LRCH1: variants seen among roughly 807,000 people sequenced by gnomAD.
LRCH1 encodes leucine-rich repeat and calponin homology domain-containing protein 1.
A neutral mutation model predicts 94.9 loss-of-function variants in LRCH1; 23 were observed. The observed-to-expected ratio is 0.24, with a 90% CI of 0.17 to 0.34. The LOEUF (loss-of-function observed/expected upper bound fraction) is 0.34. Ranked by LOEUF, LRCH1 falls within the 10% of genes least tolerant of loss-of-function variation. The pLI is 1.00. For synonymous variants in LRCH1, 364 were observed against 354.9 expected (o/e 1.03, Z -0.29); for missense variants, 790 against 945.9 (o/e 0.84, Z 2.16).
chr13:46,564,787 G>T (rs1374570696), intron 1 of LRCH1, among the ~76,000 whole-genome samples: 1 of 152,348 alleles, frequency 6.6e-6, no homozygotes, highest in East Asian at 1.9e-4. Context: ...TGTTAGAAGC[G>T]AAAATGCTCT....
chr13:46,582,671 T>TTTTTTTTTTTTTC (rs2050385829), intron 1 of LRCH1, among the ~76,000 whole-genome samples: 1 of 126,088 alleles, frequency 7.9e-6, no homozygotes, highest in Non-Finnish European at 1.6e-5. Context: ...TTTTTTTTTT[T>TTTTTTTTTTTTTC]TGTATTTTTA....
At chr13:46,588,389 A>G (rs2050457552) in intron 1 of LRCH1, among the ~76,000 whole-genome samples, 1 of 151,806 alleles carries the variant, frequency 6.6e-6, no homozygotes, top group Non-Finnish European at 1.5e-5. Flanking sequence ...TTGCTTGTTT[A>G]CTCCTTTAAA....
intron 1 of LRCH1, among the ~76,000 whole-genome samples, chr13:46,555,277 C>G (rs2050051836): frequency 6.6e-6 from 1 of 152,202 alleles, no homozygotes; most frequent in South Asian, 2.1e-4. Context: ...TTCCCTTCTG[C>G]TATAGAGTGT....
chr13:46,726,354 T>C (rs1010824280), intron 17 of LRCH1, among the ~76,000 whole-genome samples: 15 of 152,186 alleles, frequency 9.9e-5, no homozygotes, highest in African/African-American at 3.6e-4. Flanking sequence ...GGGGACTTTC[T>C]TTTTGCCTCA....
intron 2 of LRCH1, among the ~76,000 whole-genome samples, chr13:46,666,175 C>G (rs1277494530): frequency 1.3e-5 from 2 of 152,130 alleles, no homozygotes; most frequent in Non-Finnish European, 2.9e-5. Context: ...ACAGTGTAAA[C>G]AAGACATATA....
chr13:46,643,238 T>C (rs921077882), intron 1 of LRCH1, among the ~76,000 whole-genome samples: 2 of 152,210 alleles, frequency 1.3e-5, no homozygotes, highest in Non-Finnish European at 1.5e-5. Context: ...TCTTATTCTT[T>C]CTGTCTTTCC....
intron 1 of LRCH1, among the ~76,000 whole-genome samples, chr13:46,580,572 A>G (rs1205201167): frequency 1.3e-5 from 2 of 152,200 alleles, no homozygotes; most frequent in Non-Finnish European, 2.9e-5. Flanking sequence ...ACAAATCTCT[A>G]AGACTCGTAA....
intron 11 of LRCH1, among the ~76,000 whole-genome samples, chr13:46,703,434 G>A (rs1315302135): frequency 1.3e-5 from 2 of 152,112 alleles, no homozygotes; most frequent in African/African-American, 2.4e-5. Flanking sequence ...ATAAACTGCC[G>A]GTGGAGAAGT....
chr13:46,600,618 T>TACAC (rs3068695), intron 1 of LRCH1, among the ~76,000 whole-genome samples: 9,160 of 143,158 alleles, frequency 0.064, 636 homozygotes, highest in African/African-American at 0.17. Context: ...TGACCAGATT[T>TACAC]ACACACACAC....
rs1190330327 is a variant in LRCH1 at position 46,691,542 on chromosome 13, C to T, written c.1015-994C>T. On this transcript the variant is annotated intron_variant, in intron 7 of 19. Transcript: ENST00000389797. ...AAAGAGGTTTAGTTGGCTTACAGTTCTGCAGGCTGTACACAAAGCATGTGA... is the reference window on the plus strand; with the variant it reads ...AAAGAGGTTTAGTTGGCTTACAGTTTTGCAGGCTGTACACAAAGCATGTGA... Among the ~76,000 whole-genome samples the T allele has an allele frequency of 2.0e-5, 3 of 152,222 alleles. 1 individual carries two copies. The South Asian group carries it at 6.2e-4, about 32-fold the overall frequency.
chr13:46,660,257 A>C (rs2051430517), intron 2 of LRCH1, among the ~76,000 whole-genome samples: 2 of 151,352 alleles, frequency 1.3e-5, no homozygotes. Context: ...TTCGTGATCC[A>C]CCCACCTCGG....
intron 1 of LRCH1, among the ~76,000 whole-genome samples, chr13:46,598,409 G>T (rs2050588985): frequency 6.6e-6 from 1 of 151,674 alleles, no homozygotes. Context: ...GGGAAAAGAC[G>T]CTTGCAGATT....
chr13:46,746,677 C>T (rs1318379691), downstream of LRCH1, among the ~76,000 whole-genome samples: 1 of 152,170 alleles, frequency 6.6e-6, no homozygotes, highest in Admixed American at 6.5e-5. Context: ...CCATTATGAA[C>T]AAGGGGCCTG....
chr13:46,684,246 C>CTTTTTTTTTT (rs10641089), intron 4 of LRCH1, among the ~76,000 whole-genome samples: 1 of 149,388 alleles, frequency 6.7e-6, no homozygotes. Flanking sequence ...CTCTACTCCA[C>CTTTTTTTTTT]TTTTTTTTTT....
At chr13:46,567,931 C>G (rs1382823352) in intron 1 of LRCH1, among the ~76,000 whole-genome samples, 1 of 152,178 alleles carries the variant, frequency 6.6e-6, no homozygotes, top group African/African-American at 2.4e-5. Flanking sequence ...GACAGTATAA[C>G]TCAGCTAAGT....
At chr13:46,611,638 G>A (rs1020581007) in intron 1 of LRCH1, among the ~76,000 whole-genome samples, 1 of 152,130 alleles carries the variant, frequency 6.6e-6, no homozygotes, top group Admixed American at 6.6e-5. Context: ...TAATGTCCAA[G>A]TTGAGATATG....
chr13:46,685,864 A>G (rs1222726714), intron 4 of LRCH1, 41 bp from the exon 5 acceptor site: 2 of 1,377,940 alleles, frequency 1.5e-6, no homozygotes, highest in Non-Finnish European at 1.9e-6. Flanking sequence ...ATTGATTTCT[A>G]AGGTTTTTTC....
chr13:46,721,900 G>C (rs1872597827), intron 16 of LRCH1, among the ~76,000 whole-genome samples: 1 of 152,184 alleles, frequency 6.6e-6, no homozygotes, highest in African/African-American at 2.4e-5. Flanking sequence ...AACTAATTTA[G>C]AAAGAAAATA....
At chr13:46,740,910 C>T (rs1316890846) in intron 19 of LRCH1, among the ~76,000 whole-genome samples, 1 of 152,066 alleles carries the variant, frequency 6.6e-6, no homozygotes, top group Non-Finnish European at 1.5e-5. Context: ...GAGGTCTACC[C>T]CCCCTGCCCC....
Sources: gnomAD v4.1 joint callset for allele counts (sites outside exome capture counted in the v4.1 genomes callset) on GRCh38, gnomAD v4.1.1 for gene constraint, MANE v1.5 for transcripts, NCBI Gene and HGNC (gene_info 2026-07-23, HGNC 2026-07-21) for gene names.